The following ACACB variants were observed in gnomAD, a reference collection of about 807,000 sequenced individuals.
The protein encoded by ACACB is acetyl-CoA carboxylase beta.
ACACB carries 209 observed loss-of-function variants against 278.8 expected under a neutral mutation model. That is an observed-to-expected ratio of 0.75 (90% CI 0.67 to 0.84). ACACB has a LOEUF of 0.84. ACACB is among the 40% of genes least tolerant of loss of function. The probability of loss-of-function intolerance (pLI) is 0.00; values close to 1 mark genes in which losing one functional copy is unlikely to be tolerated. For missense variants in ACACB, 2,850 were observed against 3,269.0 expected (o/e 0.87, Z 3.13); for synonymous variants, 1,174 against 1,285.6 (o/e 0.91, Z 1.86).
chr12:109,227,782 C>T (rs1400950590), intron 28 of ACACB, among the ~76,000 whole-genome samples: 1 of 152,204 alleles, frequency 6.6e-6, no homozygotes, highest in African/African-American at 2.4e-5. Context: ...CCTGTAATCC[C>T]AGCACTTTGG....
In ACACB at chr12:109,188,274, C is replaced by T. The variant is rs1239894071; in HGVS notation, c.2144+112C>T. On this transcript the variant is annotated intron_variant, in intron 13 of 52. Transcript: ENST00000338432. ...CCCCTCTTCCTTCCCTCTTTCTCCTCCCTTCCTTTCTTCTTCCCTCCCTCT... is the reference window on the plus strand; with the variant it reads ...CCCCTCTTCCTTCCCTCTTTCTCCTTCCTTCCTTTCTTCTTCCCTCCCTCT... 3.5e-6 allele frequency: 4 copies of T among 1,144,194 alleles called. No homozygotes were observed. In the South Asian group the frequency reaches 4.8e-5, roughly 14 times the overall value. 70.9% of individuals were successfully genotyped at this position (1,144,194 alleles called of 1,614,324 possible).
At chr12:109,117,717 C>A (rs1193469609) in intron 1 of ACACB, among the ~76,000 whole-genome samples, 1 of 152,208 alleles carries the variant, frequency 6.6e-6, no homozygotes. Flanking sequence ...CCAACCATCC[C>A]ACTTTGCCCA....
At chr12:109,209,795 A>C (rs537373764) in intron 21 of ACACB, among the ~76,000 whole-genome samples, 1 of 147,872 alleles carries the variant, frequency 6.8e-6, no homozygotes, top group East Asian at 2.0e-4. Context: ...ATCTGTGTGT[A>C]TATATATATA....
At chr12:109,175,591 T>A (rs1047234436) in intron 7 of ACACB, among the ~76,000 whole-genome samples, 4 of 152,034 alleles carry the variant, frequency 2.6e-5, no homozygotes, top group East Asian at 1.9e-4. Context: ...AATTATAAAA[T>A]TTTTTTTGTA....
At chr12:109,163,221 G>A (rs1420235843) in intron 2 of ACACB, among the ~76,000 whole-genome samples, 5 of 152,062 alleles carry the variant, frequency 3.3e-5, no homozygotes, top group Non-Finnish European at 5.9e-5. Context: ...CACTGCACCC[G>A]GCCCTGAGGT....
chr12:109,256,116 G>T (rs2047217393), intron 44 of ACACB, 24 bp from the exon 45 acceptor site: 4 of 1,605,818 alleles, frequency 2.5e-6, no homozygotes, highest in Non-Finnish European at 3.4e-6. Flanking sequence ...CCTCCAGCCT[G>T]GGCTTCTGCC....
At chr12:109,158,066 C>A (rs568616889) in intron 2 of ACACB, among the ~76,000 whole-genome samples, 1 of 152,124 alleles carries the variant, frequency 6.6e-6, no homozygotes, top group Non-Finnish European at 1.5e-5. Flanking sequence ...ACCTCTACCC[C>A]CTAGACATGC....
At chr12:109,116,092 G>A (rs2042398169), upstream of ACACB, among the ~76,000 whole-genome samples, 1 of 152,248 alleles carries the variant, frequency 6.6e-6, no homozygotes, top group Non-Finnish European at 1.5e-5. Flanking sequence ...CCCTGAATGA[G>A]AATGTGGCAA....
upstream of ACACB, among the ~76,000 whole-genome samples, chr12:109,115,340 T>C (rs1015036768): frequency 7.9e-5 from 12 of 152,214 alleles, no homozygotes; most frequent in Admixed American, 7.2e-4. Context: ...GCCTAGATCA[T>C]GATTATTTGG....
At chr12:109,231,468 C>G (rs1457810994) in intron 28 of ACACB, among the ~76,000 whole-genome samples, 1 of 152,178 alleles carries the variant, frequency 6.6e-6, no homozygotes, top group East Asian at 1.9e-4. Context: ...TTCAGCCACA[C>G]TGCCACTGCA....
chr12:109,212,513 T>A (rs1386426996), intron 21 of ACACB, among the ~76,000 whole-genome samples: 3 of 152,116 alleles, frequency 2.0e-5, no homozygotes, highest in Non-Finnish European at 4.4e-5. Context: ...TCATCAGGCC[T>A]TAGATTATCG....
intron 42 of ACACB, 25 bp downstream of exon 42, chr12:109,252,181 A>G: frequency 4.6e-6 from 7 of 1,535,398 alleles, no homozygotes; most frequent in South Asian, 1.2e-5. Context: ...GCCTGTGCAG[A>G]GTGGATCCTT....
chr12:109,114,435 A>G (rs139156858), upstream of ACACB, among the ~76,000 whole-genome samples: 1 of 152,228 alleles, frequency 6.6e-6, no homozygotes, highest in African/African-American at 2.4e-5. Flanking sequence ...ATCCCTGGAA[A>G]TTCTGATTTA....
rs2047483601 is a variant in ACACB at position 109,265,232 on chromosome 12, C to T, written c.7065C>T (p.Ile2355=). The change falls in exon 51 of 53, where the codon ATC becomes ATT. Residue 2355 remains isoleucine (I), a synonymous_variant. Transcript: ENST00000338432. ...GCGGGGAGCTGAGTCACGTGCATAT[C>T]CAGTCCATGCTGCGTCGCTGGTTCG... ...QASGELSHVH[I]QSMLRRWFVE... 3 of 1,613,642 alleles carry T rather than the reference C, an allele frequency of 1.9e-6. No individual in the cohort carries two copies. Among genetic ancestry groups the T allele is most frequent in the Non-Finnish European group, 2.5e-6 (3 of 1,180,022 alleles).
chr12:109,128,002 G>C (rs2042723544), intron 1 of ACACB, among the ~76,000 whole-genome samples: 1 of 152,150 alleles, frequency 6.6e-6, no homozygotes, highest in Non-Finnish European at 1.5e-5. Context: ...GAGATGTCCT[G>C]CTCCCTTGGC....
intron 1 of ACACB, among the ~76,000 whole-genome samples, chr12:109,127,030 G>A (rs2042697860): frequency 6.6e-6 from 1 of 152,210 alleles, no homozygotes; most frequent in Non-Finnish European, 1.5e-5. Flanking sequence ...TACTGGCTGG[G>A]ATTCCCTGAA....
chr12:109,223,337 C>T (rs2046229173), intron 26 of ACACB, among the ~76,000 whole-genome samples: 1 of 152,170 alleles, frequency 6.6e-6, no homozygotes, highest in South Asian at 2.1e-4. Flanking sequence ...CGGAGTTCTT[C>T]ACCAGCTCTC....
chr12:109,197,299 T>G (rs576038789), intron 17 of ACACB, 146 bp downstream of exon 17: 1 of 1,058,164 alleles, frequency 9.5e-7, no homozygotes, highest in Admixed American at 3.8e-5. Context: ...TGCAGAGAAG[T>G]TAATCTCTTG....
Position 109,233,798 on chromosome 12 carries a change from C to T in ACACB, c.4190C>T (p.Pro1397Leu). 1 of 1,614,218 alleles carries T rather than the reference C, an allele frequency of 6.2e-7. No individual in the cohort carries two copies. Among genetic ancestry groups the T allele is most frequent in the African/African-American group, 1.3e-5 (1 of 75,056 alleles). ...TTCGCCAACGTGCCCAAAGACACCC[C>T]CCTCTTCAGCGAGGCCCGCACCTCC... ...SCFANVPKDT[P>L]LFSEARTSLY... Residue 1397 changes from proline (P) to leucine (L), a missense_variant, in exon 30 of 53, where the codon CCC becomes CTC. Physicochemically the swap from Pro to Leu is moderately conservative, Grantham distance 98 (BLOSUM62 -3). Coordinates refer to ENST00000338432, the MANE Select transcript of ACACB (RefSeq NM_001093.4).
Sources: gnomAD v4.1 joint callset for allele counts (sites outside exome capture counted in the v4.1 genomes callset) on GRCh38, gnomAD v4.1.1 for gene constraint, MANE v1.5 for transcripts, NCBI Gene and HGNC (gene_info 2026-07-23, HGNC 2026-07-21) for gene names.